The following ARHGEF37 variants were observed in gnomAD, a reference collection of about 807,000 sequenced individuals.
ARHGEF37 encodes the protein Rho guanine nucleotide exchange factor 37.
In ARHGEF37, 55 loss-of-function variants were observed where a neutral mutation model predicts 71.1. The ratio of observed to expected loss-of-function variants is 0.77; its 90% CI spans 0.62 to 0.97. The LOEUF (loss-of-function observed/expected upper bound fraction) is 0.97, where lower values mean the gene tolerates loss of function less well. Ranked by LOEUF, ARHGEF37 falls within the 50% of genes least tolerant of loss-of-function variation. ARHGEF37 has a pLI of 0.00. For missense variants in ARHGEF37, 765 were observed against 836.8 expected (o/e 0.91, Z 1.06); for synonymous variants, 327 against 350.6 (o/e 0.93, Z 0.75).
At chr5:149,555,144 A>AG (rs1554118939) in intron 1 of ARHGEF37, among the ~76,000 whole-genome samples, 64 of 151,644 alleles carry the variant, frequency 4.2e-4, no homozygotes, top group African/African-American at 6.5e-4. Flanking sequence ...AAAAAAAAAA[A>AG]AAAGAAAGAA....
At position 149,618,968 on chromosome 5, in the gene ARHGEF37, G is replaced by A; in HGVS notation, c.820G>A (p.Glu274Lys). 6.2e-7 allele frequency: 1 copy of A among 1,614,186 alleles called. No homozygotes were observed. The highest frequency in any genetic ancestry group is 8.5e-7 in the Non-Finnish European group (1 of 1,180,018). Residue 274 changes from glutamate to lysine, a missense_variant, in exon 7 of 13, where the codon GAG (glutamate) becomes AAG (lysine). This residue lies in a region of ARHGEF37 where 167 missense variants were observed against 173.3 expected (regional missense o/e 0.96). Transcript: ENST00000333677. ...TEDKEFDDLE[E>K]RFQWVSLCVT... Reference sequence around the variant, plus strand: ...AGACAAGGAATTTGATGATTTAGAAGAGAGGTTCCAGTGGGTGTCTCTGTG... The same window carrying A: ...AGACAAGGAATTTGATGATTTAGAAAAGAGGTTCCAGTGGGTGTCTCTGTG...
intron 1 of ARHGEF37, among the ~76,000 whole-genome samples, chr5:149,563,884 T>C (rs1274356047): frequency 1.3e-5 from 2 of 152,052 alleles, no homozygotes; most frequent in African/African-American, 2.4e-5. Flanking sequence ...CGTGAAGATA[T>C]TGAGTTTGAG....
intron 1 of ARHGEF37, among the ~76,000 whole-genome samples, chr5:149,568,182 G>A (rs1180658986): frequency 1.3e-5 from 2 of 151,948 alleles, no homozygotes; most frequent in Admixed American, 6.6e-5. Context: ...CACCACGCCT[G>A]GCTAATTTTT....
At chr5:149,571,515 G>A (rs780840796) in intron 1 of ARHGEF37, among the ~76,000 whole-genome samples, 35 of 152,152 alleles carry the variant, frequency 2.3e-4, no homozygotes, top group Non-Finnish European at 3.7e-4. Flanking sequence ...TACAGTGCAC[G>A]TTTATGGATT....
intron 1 of ARHGEF37, chr5:149,552,134 C>T (rs900063391): frequency 7.1e-6 from 1 of 139,976 alleles, no homozygotes; most frequent in African/African-American, 2.7e-5. Context: ...GTATGTTGCT[C>T]ATAATGAAGA....
rs185799509 is a variant in ARHGEF37 at position 149,562,692 on chromosome 5, C to T, written c.-12+10569C>T. ...TGATCTCCTGACCTCGTGATCCGCCCGCCTCGGCCTCCCAAAGCGCTGGGA... is the reference window on the plus strand; with the variant it reads ...TGATCTCCTGACCTCGTGATCCGCCTGCCTCGGCCTCCCAAAGCGCTGGGA... On this transcript the variant is annotated intron_variant, in intron 1 of 2. Transcript: ENST00000505810. Among the ~76,000 whole-genome samples, 1,370 of 152,216 alleles carry T rather than the reference C, an allele frequency of 9.0e-3. 9 individuals carry two copies. The highest frequency in any genetic ancestry group is 0.023 in the South Asian group (110 of 4,822).
chr5:149,624,899 G>GTTT (rs1561809517), intron 10 of ARHGEF37, among the ~76,000 whole-genome samples: 1 of 77,570 alleles, frequency 1.3e-5, no homozygotes, highest in Non-Finnish European at 2.6e-5. Flanking sequence ...AATGCTTTTG[G>GTTT]GTTTTTTTTT....
chr5:149,583,900 A>G (rs895496714), intron 1 of ARHGEF37, among the ~76,000 whole-genome samples: 1 of 152,104 alleles, frequency 6.6e-6, no homozygotes, highest in African/African-American at 2.4e-5. Flanking sequence ...AGCTGGGACT[A>G]CAGGCATATG....
chr5:149,600,546 G>A lies in ARHGEF37; in HGVS notation c.187-562G>A, dbSNP rs150186867. ...CAGATGGGGAAACTGAGAGAAGCTA[G>A]CTGGCAGCAGACCTAGGCTAAAACC... On this transcript the variant is annotated intron_variant, in intron 2 of 12. Transcript: ENST00000333677. Among the ~76,000 whole-genome samples the A allele has an allele frequency of 5.6e-3, 848 of 152,290 alleles. 1 individual carries two copies. The highest frequency in any genetic ancestry group is 0.019 in the African/African-American group (806 of 41,564).
chr5:149,624,594 CA>C (rs1304301406), intron 10 of ARHGEF37, among the ~76,000 whole-genome samples: 1 of 152,002 alleles, frequency 6.6e-6, no homozygotes, highest in African/African-American at 2.4e-5. Context: ...GCCAACATGG[CA>C]AAACCCTGTC....
At chr5:149,566,729 G>A (rs1422060706) in intron 1 of ARHGEF37, among the ~76,000 whole-genome samples, 1 of 152,028 alleles carries the variant, frequency 6.6e-6, no homozygotes, top group African/African-American at 2.4e-5. Context: ...GTGTGACAAG[G>A]ACCAGTTTAT....
intron 2 of ARHGEF37, among the ~76,000 whole-genome samples, chr5:149,598,325 CTTT>C (rs1275878520): frequency 2.0e-4 from 20 of 99,074 alleles, no homozygotes; most frequent in African/African-American, 6.8e-4. Context: ...TCTTCTTCTT[CTTT>C]CTTCCTCTTC....
chr5:149,585,596 CA>C (rs1156553648), intron 1 of ARHGEF37, among the ~76,000 whole-genome samples: 1 of 152,182 alleles, frequency 6.6e-6, no homozygotes, highest in Non-Finnish European at 1.5e-5. Flanking sequence ...TGGCTCACTG[CA>C]ACCTCCGCCT....
At chr5:149,597,632 C>A in intron 1 of ARHGEF37, 127 bp from the exon 2 acceptor site, 1 of 787,626 alleles carries the variant, frequency 1.3e-6, no homozygotes, top group Non-Finnish European at 1.9e-6. Context: ...ATAAACAGTT[C>A]ATCTTGACTC....
intron 6 of ARHGEF37, among the ~76,000 whole-genome samples, chr5:149,618,519 G>A (rs1333987588): frequency 6.6e-6 from 1 of 152,184 alleles, no homozygotes; most frequent in East Asian, 1.9e-4. Context: ...TCTCTTTGGG[G>A]CCTATTTACA....
chr5:149,586,843 A>G (rs1016180015), intron 1 of ARHGEF37, among the ~76,000 whole-genome samples: 1 of 152,052 alleles, frequency 6.6e-6, no homozygotes, highest in African/African-American at 2.4e-5. Context: ...TATTCCATAC[A>G]TGTAAGTATG....
intron 7 of ARHGEF37, among the ~76,000 whole-genome samples, chr5:149,619,799 G>A (rs1752482862): frequency 6.6e-6 from 1 of 152,254 alleles, no homozygotes; most frequent in Non-Finnish European, 1.5e-5. Flanking sequence ...GCTGGGTGCA[G>A]TGGCTTACGC....
rs1764023866 is a variant in ARHGEF37, at chr5:149,609,698, G to A, written c.458+3G>A. 1 of 1,612,164 alleles carries A rather than the reference G, an allele frequency of 6.2e-7. No individual in the cohort carries two copies. The highest frequency in any genetic ancestry group is 8.5e-7 in the Non-Finnish European group (1 of 1,179,996). On this transcript the variant is annotated splice_donor_region_variant and intron_variant, in intron 4 of 12. Transcript: ENST00000333677. ...CAGGGCATCGTTGAGGCGGTGGTGTGAGTAGAACGGCCAGTGAGCACTCGC... is the reference window on the plus strand; with the variant it reads ...CAGGGCATCGTTGAGGCGGTGGTGTAAGTAGAACGGCCAGTGAGCACTCGC...
chr5:149,616,527 G>A (rs1169539483), intron 4 of ARHGEF37, 40 bp from the exon 5 acceptor site: 29 of 1,560,236 alleles, frequency 1.9e-5, no homozygotes, highest in East Asian at 1.4e-4. Flanking sequence ...GTCCTCCAGA[G>A]GGTGGGATTT....
Sources: allele counts gnomAD v4.1 joint callset (sites outside exome capture counted in the v4.1 genomes callset), GRCh38; gene constraint gnomAD v4.1.1; regional missense constraint gnomAD v4.1.1; transcripts MANE v1.5; gene names NCBI Gene and HGNC (gene_info 2026-07-23, HGNC 2026-07-21).